Variants in THSD7B observed in about 807,000 individuals in gnomAD.
THSD7B encodes thrombospondin type 1 domain containing 7B.
THSD7B carries 138 observed loss-of-function variants against 213.6 expected under a neutral mutation model. That is an observed-to-expected ratio of 0.65 (90% confidence interval 0.56 to 0.74). The LOEUF is 0.74. THSD7B is among the 30% of genes least tolerant of loss of function. The pLI is 0.00. For missense variants in THSD7B, 1,931 were observed against 1,991.5 expected (o/e 0.97, Z 0.58); for synonymous variants, 742 against 687.0 (o/e 1.08, Z -1.25).
At chr2:137,330,699 AC>A (rs2104892515) in intron 12 of THSD7B, among the ~76,000 whole-genome samples, 1 of 152,176 alleles carries the variant, frequency 6.6e-6, no homozygotes. Flanking sequence ...GGTGAGTGTT[AC>A]GGCTCATAAA....
chr2:137,438,392 G>A (rs1209690675), intron 14 of THSD7B, among the ~76,000 whole-genome samples: 5 of 151,998 alleles, frequency 3.3e-5, no homozygotes, highest in South Asian at 2.1e-4. Flanking sequence ...TATGCAATGG[G>A]TACTGTTATT....
intron 11 of THSD7B, among the ~76,000 whole-genome samples, chr2:137,275,704 A>G (rs562334557): frequency 5.9e-5 from 9 of 152,230 alleles, no homozygotes; most frequent in African/African-American, 2.2e-4. Context: ...CACAGGGCCA[A>G]TTCAAAAACA....
chr2:137,508,400 A>G (rs1481109790), intron 15 of THSD7B, among the ~76,000 whole-genome samples: 1 of 111,878 alleles, frequency 8.9e-6, no homozygotes, highest in Non-Finnish European at 1.8e-5. Context: ...TTTTTTTGAG[A>G]CAGTCTCGCT....
intron 10 of THSD7B, among the ~76,000 whole-genome samples, chr2:137,264,876 T>C (rs151093149): frequency 0.1 from 15,550 of 151,982 alleles, 957 homozygotes; most frequent in Non-Finnish European, 0.14. Flanking sequence ...GTGCACAATG[T>C]GCAGGTTAGT....
chr2:137,188,079 A>C (rs1023084445), intron 7 of THSD7B, among the ~76,000 whole-genome samples: 7 of 152,350 alleles, frequency 4.6e-5, no homozygotes, highest in Non-Finnish European at 1.0e-4. Flanking sequence ...CATGGTAGGT[A>C]CTCGATATTT....
At chr2:137,452,186 CTAG>C in intron 15 of THSD7B, 2 of 206,324 alleles carry the variant, frequency 9.7e-6, no homozygotes, top group Non-Finnish European at 1.7e-5. Flanking sequence ...AGTTATTATG[CTAG>C]TCTTGATTTT....
chr2:137,593,794 T>G (rs2104816014), intron 17 of THSD7B, among the ~76,000 whole-genome samples: 1 of 152,140 alleles, frequency 6.6e-6, no homozygotes, highest in South Asian at 2.1e-4. Context: ...GCCAAATTTA[T>G]CGTTTTATTT....
At chr2:137,499,079 C>T (rs527930142) in intron 15 of THSD7B, among the ~76,000 whole-genome samples, 1 of 152,240 alleles carries the variant, frequency 6.6e-6, no homozygotes, top group South Asian at 2.1e-4. Context: ...TTCAGAACCA[C>T]CGGAAAACTC....
intron 20 of THSD7B, among the ~76,000 whole-genome samples, chr2:137,632,113 T>A (rs1682752806): frequency 6.6e-6 from 1 of 152,176 alleles, no homozygotes; most frequent in Non-Finnish European, 1.5e-5. Flanking sequence ...AAAGCCCCCA[T>A]TTGTTCCACT....
chr2:137,315,098 C>A (rs1246957915), intron 12 of THSD7B, among the ~76,000 whole-genome samples: 1 of 152,200 alleles, frequency 6.6e-6, no homozygotes, highest in Non-Finnish European at 1.5e-5. Flanking sequence ...GGGCGCCCCT[C>A]CCCCAGCCTC....
intron 1 of THSD7B, among the ~76,000 whole-genome samples, chr2:136,849,199 G>A (rs1041073598): frequency 6.6e-6 from 1 of 152,140 alleles, no homozygotes; most frequent in African/African-American, 2.4e-5. Context: ...TTGTTTGAAG[G>A]AAGTTTAAGA....
At chr2:136,869,863 G>A (rs1683402643) in intron 1 of THSD7B, among the ~76,000 whole-genome samples, 1 of 152,192 alleles carries the variant, frequency 6.6e-6, no homozygotes, top group African/African-American at 2.4e-5. Context: ...CATGAGGTCA[G>A]GAGTTTGAGC....
intron 14 of THSD7B, among the ~76,000 whole-genome samples, chr2:137,417,100 G>A (rs1686816269): frequency 6.6e-6 from 1 of 152,064 alleles, no homozygotes; most frequent in Admixed American, 6.5e-5. Flanking sequence ...TTAATTTACT[G>A]TAATATATAA....
intron 2 of THSD7B, among the ~76,000 whole-genome samples, chr2:136,971,098 A>G (rs2104799554): frequency 6.6e-6 from 1 of 152,336 alleles, no homozygotes; most frequent in East Asian, 1.9e-4. Context: ...AAATCTGGAC[A>G]CAAAATATCT....
intron 2 of THSD7B, among the ~76,000 whole-genome samples, chr2:137,036,390 A>G (rs886133056): frequency 6.6e-6 from 1 of 152,206 alleles, no homozygotes; most frequent in Non-Finnish European, 1.5e-5. Flanking sequence ...TTTAATGGAA[A>G]TATTCATTTC....
intron 2 of THSD7B, among the ~76,000 whole-genome samples, chr2:136,905,890 G>A (rs1384075230): frequency 6.6e-6 from 1 of 152,172 alleles, no homozygotes; most frequent in Admixed American, 6.5e-5. Context: ...GGGGAGGGAG[G>A]CATGCATGTG....
chr2:137,338,617 T>A (rs1254840439), intron 12 of THSD7B, among the ~76,000 whole-genome samples: 1 of 152,116 alleles, frequency 6.6e-6, no homozygotes, highest in African/African-American at 2.4e-5. Flanking sequence ...AAAAATTAAA[T>A]GCAACAAAGT....
intron 1 of THSD7B, among the ~76,000 whole-genome samples, chr2:136,841,483 G>C (rs1472315590): frequency 6.6e-6 from 1 of 150,700 alleles, no homozygotes; most frequent in East Asian, 1.9e-4. Flanking sequence ...TACAGTCCCA[G>C]CTACTCGGGA....
At chr2:136,773,338 G>A (rs895612774) in intron 1 of THSD7B, among the ~76,000 whole-genome samples, 1 of 152,056 alleles carries the variant, frequency 6.6e-6, no homozygotes, top group African/African-American at 2.4e-5. Context: ...AGTGATTTGC[G>A]CCAAGTCGGG....
Sources: allele counts gnomAD v4.1 joint callset (sites outside exome capture counted in the v4.1 genomes callset), GRCh38; gene constraint gnomAD v4.1.1; transcripts MANE v1.5; gene names NCBI Gene and HGNC (gene_info 2026-07-23, HGNC 2026-07-21).